Variants in CA10 observed in about 807,000 individuals in gnomAD.
CA10 encodes carbonic anhydrase-related protein 10.
A neutral mutation model predicts 44.2 loss-of-function variants in CA10; 14 were observed. The observed-to-expected ratio is 0.32, with a 90% CI of 0.21 to 0.50. CA10 has a LOEUF of 0.50. Among genes scored for constraint, CA10 ranks in the 20% least tolerant of loss-of-function variants. The pLI, the probability that CA10 is intolerant of heterozygous loss-of-function variation, is 0.99. For synonymous variants in CA10, 159 were observed against 141.6 expected, an observed-to-expected ratio of 1.12 and a Z score of -0.87; for missense variants, 350 against 409.7, an observed-to-expected ratio of 0.85 and a Z score of 1.26.
At chr17:51,714,380 T>C (rs2143501195) in intron 4 of CA10, among the ~76,000 whole-genome samples, 1 of 152,334 alleles carries the variant, frequency 6.6e-6, no homozygotes, top group East Asian at 1.9e-4. Flanking sequence ...ATGGGTACAA[T>C]AATACCTGTC....
chr17:51,829,527 T>C (rs999546161), intron 3 of CA10, among the ~76,000 whole-genome samples: 13 of 152,174 alleles, frequency 8.5e-5, no homozygotes, highest in African/African-American at 2.9e-4. Context: ...AAAGGAGTCA[T>C]GAGGGACGTA....
At chr17:51,793,703 G>A (rs569826929) in intron 3 of CA10, among the ~76,000 whole-genome samples, 1 of 152,360 alleles carries the variant, frequency 6.6e-6, no homozygotes, top group South Asian at 2.1e-4. Context: ...TTAGTATAGA[G>A]ACCCACATGG....
intron 6 of CA10, among the ~76,000 whole-genome samples, chr17:51,639,967 C>T (rs1913013614): frequency 1.3e-5 from 2 of 152,196 alleles, no homozygotes; most frequent in Non-Finnish European, 2.9e-5. Flanking sequence ...TTTGTCACAT[C>T]CTCCTACCCT....
At chr17:52,091,479 C>T (rs1452575468) in intron 1 of CA10, among the ~76,000 whole-genome samples, 1 of 152,040 alleles carries the variant, frequency 6.6e-6, no homozygotes, top group African/African-American at 2.4e-5. Context: ...GGACATTGAC[C>T]GTTTCTGAGC....
intron 2 of CA10, among the ~76,000 whole-genome samples, chr17:52,052,940 AGAGTGTGTGT>A (rs1271956948): frequency 6.6e-6 from 1 of 151,810 alleles, no homozygotes; most frequent in Non-Finnish European, 1.5e-5. Flanking sequence ...TGTGAGAGAG[AGAGTGTGTGT>A]GAGTGTGAGT....
chr17:51,992,937 C>T (rs549235443), intron 2 of CA10, among the ~76,000 whole-genome samples: 2 of 152,106 alleles, frequency 1.3e-5, no homozygotes, highest in South Asian at 4.1e-4. Flanking sequence ...AAATTATTCG[C>T]GATAAAATTC....
At chr17:52,077,159 A>T (rs980051837) in intron 1 of CA10, among the ~76,000 whole-genome samples, 1 of 152,224 alleles carries the variant, frequency 6.6e-6, no homozygotes, top group African/African-American at 2.4e-5. Context: ...TCATTGCTCC[A>T]ATGGCTTCTT....
At chr17:51,887,996 G>T (rs1980688994) in intron 3 of CA10, among the ~76,000 whole-genome samples, 1 of 152,094 alleles carries the variant, frequency 6.6e-6, no homozygotes, top group African/African-American at 2.4e-5. Context: ...CTGCACTCCA[G>T]TCTGGGAGAC....
At chr17:52,025,243 T>G (rs1325947248) in intron 2 of CA10, among the ~76,000 whole-genome samples, 1 of 152,140 alleles carries the variant, frequency 6.6e-6, no homozygotes, top group South Asian at 2.1e-4. Flanking sequence ...GAGTTCTATA[T>G]CAGGGCACCA....
chr17:51,918,860 A>G (rs1207809660), intron 3 of CA10, among the ~76,000 whole-genome samples: 1 of 152,226 alleles, frequency 6.6e-6, no homozygotes, highest in Admixed American at 6.5e-5. Context: ...TAAAACGTTA[A>G]GAATATGAGA....
At chr17:51,779,560 T>C (rs1317930397) in intron 3 of CA10, among the ~76,000 whole-genome samples, 1 of 152,180 alleles carries the variant, frequency 6.6e-6, no homozygotes, top group African/African-American at 2.4e-5. Context: ...TTCCTGGAAT[T>C]ACCCTTTGTT....
At chr17:51,750,350 ATATG>A (rs1200540536) in intron 3 of CA10, among the ~76,000 whole-genome samples, 1 of 152,166 alleles carries the variant, frequency 6.6e-6, no homozygotes, top group Non-Finnish European at 1.5e-5. Flanking sequence ...TCACTTGCAT[ATATG>A]TATATTATAT....
chr17:51,995,795 C>T (rs73987349), intron 2 of CA10, among the ~76,000 whole-genome samples: 2,474 of 152,156 alleles, frequency 0.016, 74 homozygotes, highest in African/African-American at 0.056. Context: ...TTTCCAGTGG[C>T]TGACTTTTAG....
intron 2 of CA10, among the ~76,000 whole-genome samples, chr17:52,036,346 G>T (rs1021703948): frequency 6.6e-6 from 1 of 152,078 alleles, no homozygotes; most frequent in Non-Finnish European, 1.5e-5. Flanking sequence ...CTAGGCTCTG[G>T]GTATATAAAG....
At chr17:51,824,931 C>A (rs1477010444) in intron 3 of CA10, among the ~76,000 whole-genome samples, 2 of 152,256 alleles carry the variant, frequency 1.3e-5, no homozygotes, top group Admixed American at 6.5e-5. Context: ...GGCAGCGGTG[C>A]TGGCTAGCCG....
At chr17:51,679,068 G>C (rs547154695) in intron 4 of CA10, among the ~76,000 whole-genome samples, 1 of 152,036 alleles carries the variant, frequency 6.6e-6, no homozygotes, top group Admixed American at 6.6e-5. Context: ...CCCTCAAAGA[G>C]TTTACCATTT....
intron 3 of CA10, among the ~76,000 whole-genome samples, chr17:51,822,611 T>C (rs142178511): frequency 1.1e-3 from 161 of 152,336 alleles, no homozygotes; most frequent in African/African-American, 3.6e-3. Context: ...TCTGGTTTGG[T>C]TCAGTATTTC....
intron 3 of CA10, among the ~76,000 whole-genome samples, chr17:51,802,175 T>TA (rs1219582376): frequency 6.6e-6 from 1 of 152,144 alleles, no homozygotes. Flanking sequence ...GGGCTTGGGG[T>TA]AGAGTTGAGT....
chr17:51,874,741 A>C (rs538260840), intron 3 of CA10, among the ~76,000 whole-genome samples: 2 of 152,334 alleles, frequency 1.3e-5, no homozygotes, highest in South Asian at 2.1e-4. Context: ...AATGAAGGAC[A>C]GAAAAATGAA....
Sources: allele counts gnomAD v4.1 joint callset (sites outside exome capture counted in the v4.1 genomes callset), GRCh38; gene constraint gnomAD v4.1.1; transcripts MANE v1.5; gene names NCBI Gene and HGNC (gene_info 2026-07-23, HGNC 2026-07-21).